The following NCOR2 variants were observed in gnomAD, a reference collection of about 807,000 sequenced individuals.
NCOR2 encodes CTG repeat protein 26.
NCOR2 carries 81 observed loss-of-function variants against 262.9 expected under a neutral mutation model. The ratio of observed to expected loss-of-function variants is 0.31; its 90% CI spans 0.26 to 0.37. The LOEUF (loss-of-function observed/expected upper bound fraction) is 0.37. Among genes scored for constraint, NCOR2 ranks in the 10% least tolerant of loss-of-function variants. The pLI is 1.00. For missense variants in NCOR2, 3,385 were observed against 3,621.4 expected, an observed-to-expected ratio of 0.93 and a Z score of 1.68; for synonymous variants, 1,659 against 1,559.3, an observed-to-expected ratio of 1.06 and a Z score of -1.51.
intron 26 of NCOR2, 31 bp downstream of exon 28, chr12:124,354,447 T>C (rs2135913559): frequency 2.0e-6 from 3 of 1,467,020 alleles, no homozygotes; most frequent in Non-Finnish European, 2.7e-6. Context: ...CAGGGGCAGA[T>C]GCTGGGGGCC....
At chr12:124,400,664 T>C (rs1287497573) in exon 15 of NCOR2, 2 of 1,614,040 alleles carry the variant, frequency 1.2e-6, no homozygotes, top group African/African-American at 1.3e-5. Flanking sequence ...AGGTGTCGTC[T>C]GTCTTCTCCC....
At chr12:124,429,325 G>A (rs746159384) in intron 10 of NCOR2, 7 of 451,024 alleles carry the variant, frequency 1.6e-5, no homozygotes, top group South Asian at 1.4e-4. Context: ...CAGGGTCCTC[G>A]TCCCCCAACC....
In NCOR2 at chr12:124,560,811, C is replaced by T. The variant is rs114202513; in HGVS notation, c.-165+6497G>A. 2.7e-3 allele frequency among the ~76,000 whole-genome samples: 414 copies of T among 152,236 alleles called. 4 individuals carry two copies. The highest frequency in any genetic ancestry group is 9.5e-3 in the African/African-American group (393 of 41,538). Reference sequence around the variant, plus strand: ...TAATTTTCTTTTTTACAAGTCAATGCATTTTCTTTCATTTAAAAAATAAGC... The same window carrying T: ...TAATTTTCTTTTTTACAAGTCAATGTATTTTCTTTCATTTAAAAAATAAGC... On this transcript the variant is annotated intron_variant, in intron 1 of 32. Coordinates refer to the NCOR2 transcript ENST00000458234.
At chr12:124,386,188 A>G (rs1178821797) in intron 16 of NCOR2, among the ~76,000 whole-genome samples, 3 of 152,150 alleles carry the variant, frequency 2.0e-5, no homozygotes, top group Non-Finnish European at 4.4e-5. Context: ...AGTCCCACCG[A>G]GGCCACTGCG....
chr12:124,384,870 T>C (rs545214489), intron 17 of NCOR2, among the ~76,000 whole-genome samples: 14 of 152,170 alleles, frequency 9.2e-5, no homozygotes, highest in African/African-American at 3.4e-4. Flanking sequence ...TCAGTGCTTC[T>C]GTATCGATGA....
chr12:124,515,840 C>T (rs528551573), intron 1 of NCOR2, among the ~76,000 whole-genome samples: 29 of 152,276 alleles, frequency 1.9e-4, no homozygotes, highest in Admixed American at 1.2e-3. Context: ...ATCACATGTG[C>T]AGACTCCAGT....
rs1683391057 is a variant in NCOR2 at position 124,523,647 on chromosome 12, A to AAAAAC, written c.-118+11917_-118+11918insGTTTT. 1.3e-5 allele frequency among the ~76,000 whole-genome samples: 2 copies of AAAAAC among 151,980 alleles called. No homozygotes were observed. The highest frequency in any genetic ancestry group is 4.8e-5 in the African/African-American group (2 of 41,468). ...CATAGCTGATGAACTAAAAAAAAAA[A>AAAAAC]AAACAAAAAACCGAAAAACAATCTG... On this transcript the variant is annotated intron_variant, in intron 1 of 46. Transcript: ENST00000404621. The surrounding 1 kb of genome is among the most constrained non-coding windows in gnomAD (Gnocchi z 4.0).
rs557396153 is a variant in NCOR2 at position 124,483,955 on chromosome 12, G to A, written c.234-182C>T. Among the ~76,000 whole-genome samples the A allele has an allele frequency of 1.6e-4, 25 of 152,242 alleles. No homozygotes were observed. The South Asian group carries it at 5.0e-3, about 30-fold the overall frequency. On this transcript the variant is annotated intron_variant, in intron 2 of 46. Transcript: ENST00000405201. This position sits in a 1 kb window ranked among gnomAD's most constrained non-coding sequence, Gnocchi z 6.3. ...CAGCAGGGCAGGACTCCAATGCAGC[G>A]CTGCCTTCCTTCAGGTCCACATTCA...
intron 1 of NCOR2, among the ~76,000 whole-genome samples, chr12:124,515,666 TGTGA>T (rs950695183): frequency 5.3e-5 from 8 of 151,878 alleles, no homozygotes; most frequent in South Asian, 2.1e-4. Flanking sequence ...TGAGTGTGCA[TGTGA>T]GTGTGAGTGT....
At chr12:124,356,105 G>A (rs1238932477) in intron 23 of NCOR2, among the ~76,000 whole-genome samples, 1 of 152,202 alleles carries the variant, frequency 6.6e-6, no homozygotes. Flanking sequence ...CTGCCTCTGG[G>A]CTTTTGCACT....
chr12:124,481,556 C>T lies in NCOR2; in HGVS notation c.411+2040G>A, dbSNP rs898556198. 6.6e-6 allele frequency among the ~76,000 whole-genome samples: 1 copy of T among 152,142 alleles called. No individual in the cohort carries two copies. Among genetic ancestry groups the T allele is most frequent in the Non-Finnish European group, 1.5e-5 (1 of 68,014 alleles). ...ATGTGCCTGGGGGAGGGCGCTCCTG[C>T]GGAGGGCACAGCCGGTGCAAAGGTC... On this transcript the variant is annotated intron_variant, in intron 3 of 46. Coordinates refer to ENST00000405201, the Ensembl canonical transcript of NCOR2. This position sits in a 1 kb window ranked among gnomAD's most constrained non-coding sequence, Gnocchi z 4.6.
chr12:124,534,101 T>C (rs996113340), intron 1 of NCOR2, among the ~76,000 whole-genome samples: 10 of 152,068 alleles, frequency 6.6e-5, no homozygotes, highest in Non-Finnish European at 2.9e-5. Flanking sequence ...CTGGACTGAC[T>C]CCCACAGGCA....
intron 4 of NCOR2, among the ~76,000 whole-genome samples, chr12:124,472,485 G>T (rs1052345493): frequency 7.9e-5 from 12 of 152,096 alleles, no homozygotes; most frequent in African/African-American, 2.9e-4. Flanking sequence ...CAGAGCCAGG[G>T]GCTGTTTCCC....
At chr12:124,426,494 G>A (rs2136325001) in intron 11 of NCOR2, 128 bp downstream of exon 13, 17 of 901,894 alleles carry the variant, frequency 1.9e-5, no homozygotes, top group Non-Finnish European at 2.7e-5. Context: ...AACCAGGAGA[G>A]AGTAAATCCC....
At chr12:124,335,670 C>A in intron 38 of NCOR2, 38 bp from the exon 41 acceptor site, 2 of 1,566,188 alleles carry the variant, frequency 1.3e-6, no homozygotes, top group Non-Finnish European at 1.7e-6. Context: ...GGCACCGGGC[C>A]CAGGGTTTCG....
upstream of NCOR2, chr12:124,495,422 T>A: frequency 7.5e-7 from 1 of 1,325,390 alleles, no homozygotes; most frequent in Admixed American, 2.8e-5. This position sits in a 1 kb window ranked among gnomAD's most constrained non-coding sequence, Gnocchi z 4.4. Context: ...AGCTGGCTCC[T>A]CCGTGCACAG....
chr12:124,369,725 T>C lies in NCOR2; in HGVS notation c.2807+2297A>G, dbSNP rs188543764. On this transcript the variant is annotated intron_variant, in intron 20 of 46. Coordinates refer to ENST00000405201, the Ensembl canonical transcript of NCOR2. ...ACAGGGCGGGACAAACCAGGTGTCCTGACTCCCAGCCGAGGACTCCTGCAC... is the reference window on the plus strand; with the variant it reads ...ACAGGGCGGGACAAACCAGGTGTCCCGACTCCCAGCCGAGGACTCCTGCAC... Among the ~76,000 whole-genome samples, 602 of 152,192 alleles carry C rather than the reference T, an allele frequency of 4.0e-3. 5 individuals are homozygous for C. The highest frequency in any genetic ancestry group is 0.014 in the African/African-American group (581 of 41,544).
chr12:124,325,547 C>T lies in NCOR2; in HGVS notation c.7400G>A (p.Arg2467Gln), dbSNP rs200312114. ...GGAAGCCATGACACCCGCCTGCAGC[C>T]GCATGATCAGGGGGTTGTAGGGGAA... is the stretch of plus-strand genomic sequence containing the variant. The change falls in exon 47 of 47, where the codon CGG becomes CAG. Residue 2467 changes from arginine to glutamine, a missense_variant. This residue lies in a region of NCOR2 where 1,017 missense variants were observed against 967.2 expected (regional missense o/e 1.05). Transcript: ENST00000405201. The T allele has an allele frequency of 5.4e-5, 72 of 1,331,282 alleles. No homozygotes were observed. The highest frequency in any genetic ancestry group is 8.5e-5 in the South Asian group (4 of 46,822). 82.5% of individuals were successfully genotyped at this position (1,331,282 alleles called of 1,614,324 possible). A position where few individuals can be genotyped will look rare whatever the true frequency, so the allele number is the denominator to read the frequency against.
At chr12:124,359,365 C>T (rs1331704364) in intron 22 of NCOR2, among the ~76,000 whole-genome samples, 1 of 152,158 alleles carries the variant, frequency 6.6e-6, no homozygotes, top group African/African-American at 2.4e-5. Context: ...GAGGAGAGTG[C>T]TAAGATCAAT....
Sources: gnomAD v4.1 joint callset for allele counts (sites outside exome capture counted in the v4.1 genomes callset) on GRCh38, gnomAD v4.1.1 for gene constraint, gnomAD v4.1.1 regional missense constraint, Gnocchi (gnomAD v3.1) non-coding constraint, MANE v1.5 for transcripts, NCBI Gene and HGNC (gene_info 2026-07-23, HGNC 2026-07-21) for gene names.